Variants in LYRM4 observed in about 807,000 individuals in gnomAD.
The protein encoded by LYRM4 is LYR motif-containing protein 4.
In LYRM4, 9 loss-of-function variants were observed where a neutral mutation model predicts 11.7. The observed-to-expected ratio is 0.77, with a 90% CI of 0.46 to 1.34. LYRM4 has a LOEUF of 1.34. Ranked by LOEUF, LYRM4 falls within the 40% of genes most tolerant of loss-of-function variation. The pLI, the probability that LYRM4 is intolerant of heterozygous loss-of-function variation, is 0.00. For synonymous variants in LYRM4, 42 were observed against 40.4 expected, an observed-to-expected ratio of 1.04 and a Z score of -0.15; for missense variants, 133 against 112.5, an observed-to-expected ratio of 1.18 and a Z score of -0.82.
chr6:5,126,430 A>G (rs370330553), intron 2 of LYRM4, among the ~76,000 whole-genome samples: 7 of 152,216 alleles, frequency 4.6e-5, no homozygotes, highest in South Asian at 2.1e-4. Flanking sequence ...AACAGCCCAG[A>G]GAAATGCATG....
chr6:5,243,163 T>C (rs1018154827), intron 1 of LYRM4, among the ~76,000 whole-genome samples: 5 of 152,250 alleles, frequency 3.3e-5, no homozygotes, highest in African/African-American at 1.2e-4. Flanking sequence ...TTCGTGTGTC[T>C]GCTCCACCCA....
Position 5,118,094 on chromosome 6 carries a change from A to T in LYRM4, c.208-8603T>A, listed in dbSNP as rs113203328. Among the ~76,000 whole-genome samples the T allele has an allele frequency of 8.8e-4, 76 of 86,128 alleles. 1 individual carries two copies. Among genetic ancestry groups the T allele is most frequent in the African/African-American group, 2.4e-3 (61 of 25,612 alleles). 56.5% of individuals were successfully genotyped at this position (86,128 alleles called of 152,430 possible). Reference sequence around the variant, plus strand: ...TCACCAAAACAATATATATATATATATTTTTGTTTTGTTTTGTTTTGTTTT... The same window carrying T: ...TCACCAAAACAATATATATATATATTTTTTTGTTTTGTTTTGTTTTGTTTT... On this transcript the variant is annotated intron_variant, in intron 2 of 2. Transcript: ENST00000330636.
chr6:5,059,822 CAG>C, the LYRM4 span, among the ~76,000 whole-genome samples: 2 of 147,898 alleles, frequency 1.4e-5, no homozygotes, highest in African/African-American at 5.0e-5. Context: ...TTTTAAGAGA[CAG>C]GGGTCTTGCT....
At chr6:5,181,152 C>A (rs373696091) in intron 2 of LYRM4, among the ~76,000 whole-genome samples, 1 of 152,068 alleles carries the variant, frequency 6.6e-6, no homozygotes, top group African/African-American at 2.4e-5. Context: ...ACAAGGTTTT[C>A]GTTTGTTTGT....
At chr6:5,069,481 TA>T in the LYRM4 span, among the ~76,000 whole-genome samples, 2,209 of 149,478 alleles carry the variant, frequency 0.015, 36 homozygotes, top group South Asian at 0.055. Context: ...TATATATATA[TA>T]TTTTTTTGTT....
intron 2 of LYRM4, among the ~76,000 whole-genome samples, chr6:5,127,777 A>T (rs1417401357): frequency 6.6e-6 from 1 of 152,240 alleles, no homozygotes; most frequent in Non-Finnish European, 1.5e-5. Flanking sequence ...TTTATAGCTT[A>T]CGTGATTTTT....
At chr6:5,068,652 G>GT in the LYRM4 span, among the ~76,000 whole-genome samples, 1 of 152,124 alleles carries the variant, frequency 6.6e-6, no homozygotes, top group East Asian at 1.9e-4. The surrounding 1 kb of genome is among the most constrained non-coding windows in gnomAD (Gnocchi z 4.0). Flanking sequence ...ACTTAATCCC[G>GT]TTGGAAAGGG....
chr6:5,112,201 T>C (rs115832614), intron 2 of LYRM4, among the ~76,000 whole-genome samples: 4,650 of 152,194 alleles, frequency 0.031, 166 homozygotes, highest in Admixed American at 0.094. Context: ...GGGCCATCTG[T>C]GTGGTCTGTG....
Position 5,245,104 on chromosome 6 carries a change from AAAAAAAAAAATATATATATATAT to A in LYRM4, c.86+15521_86+15543del, listed in dbSNP as rs1323050783. Among the ~76,000 whole-genome samples, 164 of 57,108 alleles carry A rather than the reference AAAAAAAAAAATATATATATATAT, an allele frequency of 2.9e-3. 11 individuals carry two copies. The highest frequency in any genetic ancestry group is 9.5e-3 in the African/African-American group (146 of 15,440). The allele number at this position is 57,108 out of a possible 152,430, so 37.5% of individuals were successfully genotyped here. The stretch of plus-strand genomic sequence containing the variant: ...AGGAAGACCTTAAAAAAAAAAAAAA[AAAAAAAAAAATATATATATATAT>A]ATATATATATATATATATATATATA... On this transcript the variant is annotated intron_variant, in intron 1 of 2. Transcript: ENST00000330636.
chr6:5,173,579 T>A (rs2127669616), intron 2 of LYRM4, among the ~76,000 whole-genome samples: 1 of 152,366 alleles, frequency 6.6e-6, no homozygotes, highest in African/African-American at 2.4e-5. Context: ...ATATCCTACA[T>A]TAACACATTT....
the LYRM4 span, among the ~76,000 whole-genome samples, chr6:5,051,749 T>G: frequency 1.3e-5 from 2 of 152,122 alleles, no homozygotes; most frequent in African/African-American, 2.4e-5. Context: ...AGAAGTTTAT[T>G]TGGCTTAGGA....
intron 2 of LYRM4, among the ~76,000 whole-genome samples, chr6:5,114,120 C>T (rs1283799507): frequency 6.6e-6 from 1 of 152,210 alleles, no homozygotes; most frequent in African/African-American, 2.4e-5. Context: ...CTGCCTCAGA[C>T]TGGGGGCACT....
At chr6:5,045,168 C>T in the LYRM4 span, among the ~76,000 whole-genome samples, 2 of 152,010 alleles carry the variant, frequency 1.3e-5, no homozygotes, top group Non-Finnish European at 2.9e-5. Flanking sequence ...CACATTTCAT[C>T]CTCCCAGCAG....
intron 2 of LYRM4, among the ~76,000 whole-genome samples, chr6:5,189,500 C>G (rs1184642988): frequency 6.6e-6 from 1 of 152,178 alleles, no homozygotes; most frequent in Non-Finnish European, 1.5e-5. Flanking sequence ...TTACGCTGCT[C>G]TAGCACCGCT....
chr6:5,114,833 C>G (rs1182291615), intron 2 of LYRM4, among the ~76,000 whole-genome samples: 1 of 151,988 alleles, frequency 6.6e-6, no homozygotes, highest in East Asian at 1.9e-4. Context: ...CTGGACTGCA[C>G]GTGGCCCGCA....
intron 2 of LYRM4, among the ~76,000 whole-genome samples, chr6:5,211,195 G>C (rs757359689): frequency 2.3e-4 from 35 of 152,084 alleles, no homozygotes; most frequent in Admixed American, 5.2e-4. Flanking sequence ...GAGAACTGTG[G>C]GTAAGATATC....
At position 5,245,133 on chromosome 6, in the gene LYRM4, T is replaced by A. The variant is rs1203634106; in HGVS notation, c.86+15515A>T. On this transcript the variant is annotated intron_variant, in intron 1 of 2. Coordinates refer to ENST00000330636, the MANE Select transcript of LYRM4 (RefSeq NM_020408.6). ...AAAAAAATATATATATATATATATA[T>A]ATATATATATATATATATATATATA... is the stretch of plus-strand genomic sequence containing the variant. 3.8e-4 allele frequency among the ~76,000 whole-genome samples: 27 copies of A among 71,800 alleles called. 1 individual carries two copies. The highest frequency in any genetic ancestry group is 5.8e-4 in the South Asian group (1 of 1,716). 47.1% of individuals were successfully genotyped at this position (71,800 alleles called of 152,430 possible). A position where few individuals can be genotyped will look rare whatever the true frequency, so the allele number is the denominator to read the frequency against.
At chr6:5,260,465 A>G (rs1024438266) in intron 1 of LYRM4, among the ~76,000 whole-genome samples, 183 bp downstream of exon 1, 2 of 152,210 alleles carry the variant, frequency 1.3e-5, no homozygotes, top group African/African-American at 2.4e-5. Flanking sequence ...CTCCTCCCCG[A>G]GGTCTCAGAG....
At chr6:5,171,883 A>G (rs141549553) in intron 2 of LYRM4, among the ~76,000 whole-genome samples, 15 of 152,282 alleles carry the variant, frequency 9.9e-5, no homozygotes, top group African/African-American at 3.6e-4. Context: ...AAGAATTATG[A>G]ATGGGGGAAA....
Sources: allele counts gnomAD v4.1 joint callset (sites outside exome capture counted in the v4.1 genomes callset), GRCh38; gene constraint gnomAD v4.1.1; non-coding constraint Gnocchi (gnomAD v3.1); transcripts MANE v1.5; gene names NCBI Gene and HGNC (gene_info 2026-07-23, HGNC 2026-07-21).